Variants in P3H2 observed in about 807,000 individuals in gnomAD.
P3H2 encodes prolyl 3-hydroxylase 2, also known as leprecan-like 1.
A neutral mutation model predicts 87.0 loss-of-function variants in P3H2; 80 were observed. The observed-to-expected ratio is 0.92, with a 90% CI of 0.77 to 1.11. The LOEUF (loss-of-function observed/expected upper bound fraction) is 1.11, where lower values mean the gene tolerates loss of function less well. P3H2 is among the 50% of genes least tolerant of loss of function. The probability of loss-of-function intolerance (pLI) is 0.00; values close to 1 mark genes in which losing one functional copy is unlikely to be tolerated. For synonymous variants in P3H2, 367 were observed against 359.3 expected (o/e 1.02, Z -0.24); for missense variants, 1,001 against 923.9 (o/e 1.08, Z -1.08).
intron 8 of P3H2, among the ~76,000 whole-genome samples, chr3:189,981,485 A>T (rs1723532705): frequency 6.6e-6 from 1 of 151,928 alleles, no homozygotes; most frequent in Non-Finnish European, 1.5e-5. Context: ...TACGGTAGGT[A>T]AAAAAAAATT....
At chr3:190,087,429 A>G (rs2108983340) in intron 1 of P3H2, among the ~76,000 whole-genome samples, 1 of 151,706 alleles carries the variant, frequency 6.6e-6, no homozygotes, top group South Asian at 2.1e-4. Flanking sequence ...CTGTAGTCCC[A>G]GCTACTCCGA....
intron 14 of P3H2, chr3:189,963,390 G>A (rs375535404): frequency 4.5e-5 from 7 of 154,972 alleles, no homozygotes; most frequent in East Asian, 1.9e-4. Flanking sequence ...AAACAAATCC[G>A]TCTTCTGGGT....
At chr3:190,119,231 CAGCAG>C (rs143484200) in intron 1 of P3H2, among the ~76,000 whole-genome samples, 99 of 121,832 alleles carry the variant, frequency 8.1e-4, no homozygotes, top group East Asian at 3.5e-3. Context: ...AAGCAGAGCA[CAGCAG>C]AGCAGAGCAG....
chr3:189,986,749 G>T, intron 6 of P3H2, 39 bp downstream of exon 6: 2 of 1,380,782 alleles, frequency 1.4e-6, no homozygotes, highest in Non-Finnish European at 2.1e-6. Flanking sequence ...GGATTCCACT[G>T]AATCATTATT....
intron 7 of P3H2, among the ~76,000 whole-genome samples, chr3:189,984,190 C>T (rs1723620537): frequency 6.6e-6 from 1 of 152,076 alleles, no homozygotes; most frequent in South Asian, 2.1e-4. Flanking sequence ...TAGGTAAATA[C>T]AATAAGGGAA....
chr3:189,971,721 A>T, intron 12 of P3H2, 169 bp downstream of exon 12: 1 of 624,850 alleles, frequency 1.6e-6, no homozygotes, highest in Non-Finnish European at 2.9e-6. Context: ...GATAAAAGTG[A>T]GATGATAATG....
At chr3:190,008,842 T>C (rs1241352701) in intron 1 of P3H2, among the ~76,000 whole-genome samples, 1 of 152,166 alleles carries the variant, frequency 6.6e-6, no homozygotes, top group Non-Finnish European at 1.5e-5. Context: ...TCTGAGATAA[T>C]TCCTGTGTTT....
At chr3:190,098,927 A>T (rs1711521119) in intron 1 of P3H2, among the ~76,000 whole-genome samples, 1 of 152,136 alleles carries the variant, frequency 6.6e-6, no homozygotes. Context: ...TTAGTTGTCA[A>T]GGTTTATTTG....
chr3:190,038,820 G>A (rs1725507316), intron 1 of P3H2, among the ~76,000 whole-genome samples: 1 of 152,200 alleles, frequency 6.6e-6, no homozygotes, highest in Non-Finnish European at 1.5e-5. Flanking sequence ...GGACAAGGCA[G>A]AGGTTAAAAG....
Position 189,957,874 on chromosome 3 carries a change from A to G in P3H2, c.*38T>C, listed in dbSNP as rs893903927. 3.6e-6 allele frequency: 5 copies of G among 1,392,140 alleles called. No individual in the cohort carries two copies. The highest frequency in any genetic ancestry group is 5.1e-6 in the Non-Finnish European group (5 of 979,132). The allele number at this position is 1,392,140 out of a possible 1,614,324, so 86.2% of individuals were successfully genotyped here. On this transcript the variant is annotated 3_prime_UTR_variant, in exon 15 of 15. Coordinates refer to ENST00000319332, the MANE Select transcript of P3H2 (RefSeq NM_018192.4). Reference sequence around the variant, plus strand: ...TAAAAAGGTTCTCATAAGATTAACAATTTAAATAAATATTTGATAGAACAT... The same window carrying G: ...TAAAAAGGTTCTCATAAGATTAACAGTTTAAATAAATATTTGATAGAACAT...
Position 189,974,652 on chromosome 3 carries a change from A to G in P3H2, c.1358T>C (p.Val453Ala), listed in dbSNP as rs1475596727. 1.2e-6 allele frequency: 2 copies of G among 1,614,098 alleles called. No individual in the cohort carries two copies. The highest frequency in any genetic ancestry group is 2.7e-5 in the African/African-American group (2 of 74,942). Residue 453 changes from valine (V) to alanine (A), a missense_variant, in exon 9 of 15, where the codon GTC (valine) becomes GCC (alanine). Val to Ala is a moderately conservative substitution (Grantham distance 64). Coordinates refer to ENST00000319332, the MANE Select transcript of P3H2 (RefSeq NM_018192.4). ...GPLLYENITF[V>A]YNSEQLNGTQ... ...CCCGTTCAGCTGCTCCGAGTTGTAG[A>G]CGAATGTGATGTTCTCATAGAGTAG...
At chr3:190,018,482 AG>A (rs764565325) in intron 1 of P3H2, among the ~76,000 whole-genome samples, 29 of 152,142 alleles carry the variant, frequency 1.9e-4, no homozygotes, top group Non-Finnish European at 3.8e-4. Context: ...CTGAGGAGGG[AG>A]GATTGCTTGA....
At chr3:190,069,240 G>A (rs927870663) in intron 1 of P3H2, among the ~76,000 whole-genome samples, 3 of 152,048 alleles carry the variant, frequency 2.0e-5, no homozygotes, top group African/African-American at 7.2e-5. Flanking sequence ...ACACAGTCTT[G>A]GTTTCTCTAC....
intron 1 of P3H2, among the ~76,000 whole-genome samples, chr3:190,008,741 G>A (rs1452055619): frequency 6.6e-6 from 1 of 152,124 alleles, no homozygotes. Flanking sequence ...TAAAGCTCAG[G>A]CTGCTTTACT....
chr3:190,092,784 G>T (rs1199734159), intron 1 of P3H2, among the ~76,000 whole-genome samples: 2 of 151,426 alleles, frequency 1.3e-5, no homozygotes, highest in Non-Finnish European at 2.9e-5. Context: ...AAGAGGAAAA[G>T]AAGGGGCAAA....
intron 7 of P3H2, 57 bp downstream of exon 7, chr3:189,984,493 T>G: frequency 4.1e-6 from 5 of 1,220,244 alleles, no homozygotes; most frequent in Non-Finnish European, 6.1e-6. Context: ...TATGATAGGT[T>G]ATGACACTAA....
chr3:190,003,485 C>A (rs1296331338), intron 1 of P3H2, among the ~76,000 whole-genome samples: 1 of 130,796 alleles, frequency 7.6e-6, no homozygotes, highest in Non-Finnish European at 1.7e-5. Context: ...AAATGAAATG[C>A]CCTTGATGTT....
At chr3:189,962,448 T>G (rs1722847999) in intron 14 of P3H2, among the ~76,000 whole-genome samples, 1 of 152,236 alleles carries the variant, frequency 6.6e-6, no homozygotes, top group Non-Finnish European at 1.5e-5. Context: ...GTGCAGGGAT[T>G]ATAGGCGTGA....
At chr3:190,101,645 A>G (rs567006786) in intron 1 of P3H2, among the ~76,000 whole-genome samples, 1 of 151,224 alleles carries the variant, frequency 6.6e-6, no homozygotes, top group Non-Finnish European at 1.5e-5. Flanking sequence ...GAGGTCTAAA[A>G]AAAGAAGCCG....
Sources: gnomAD v4.1 joint callset for allele counts (sites outside exome capture counted in the v4.1 genomes callset) on GRCh38, gnomAD v4.1.1 for gene constraint, MANE v1.5 for transcripts, NCBI Gene and HGNC (gene_info 2026-07-23, HGNC 2026-07-21) for gene names.